Variants in ANKRD36 observed in about 807,000 individuals in gnomAD.
The protein encoded by ANKRD36 is ankyrin repeat domain-containing protein 36A.
A neutral mutation model predicts 278.1 loss-of-function variants in ANKRD36; 179 were observed. The ratio of observed to expected loss-of-function variants is 0.64; its 90% CI spans 0.57 to 0.73. The LOEUF is 0.73. Among genes scored for constraint, ANKRD36 ranks in the 30% least tolerant of loss-of-function variants. ANKRD36 has a pLI of 0.00. For missense variants in ANKRD36, 1,159 were observed against 1,956.7 expected (o/e 0.59, Z 7.69); for synonymous variants, 320 against 641.1 (o/e 0.50, Z 7.57).
chr2:97,216,109 C>T (rs970756211), intron 62 of ANKRD36, among the ~76,000 whole-genome samples: 2 of 151,902 alleles, frequency 1.3e-5, no homozygotes, highest in Non-Finnish European at 2.9e-5. Flanking sequence ...CTACTGGAAG[C>T]AGGAAACAAT....
At chr2:97,159,192 C>T (rs1006362471) in intron 17 of ANKRD36, among the ~76,000 whole-genome samples, 65 of 151,964 alleles carry the variant, frequency 4.3e-4, no homozygotes, top group African/African-American at 1.4e-3. Flanking sequence ...GAAAAATTCT[C>T]AGATTCTTCT....
intron 22 of ANKRD36, among the ~76,000 whole-genome samples, chr2:97,173,048 A>G (rs941192374): frequency 1.3e-5 from 2 of 150,166 alleles, no homozygotes; most frequent in Non-Finnish European, 3.0e-5. Context: ...CATGTCAATT[A>G]CTGACATGTT....
At chr2:97,131,279 T>G (rs1364563133) in intron 6 of ANKRD36, among the ~76,000 whole-genome samples, 1 of 151,934 alleles carries the variant, frequency 6.6e-6, no homozygotes, top group Non-Finnish European at 1.5e-5. Context: ...AGCCTCAAAC[T>G]TCTGGGTTCA....
chr2:97,128,778 T>C (rs2039291634), intron 6 of ANKRD36, among the ~76,000 whole-genome samples: 1 of 152,038 alleles, frequency 6.6e-6, no homozygotes, highest in South Asian at 2.1e-4. Flanking sequence ...AAATCCCTGA[T>C]AAGTTCTTCT....
rs1439019926 is a variant in ANKRD36 at position 97,200,519 on chromosome 2, A to T, written c.2851A>T (p.Arg951Trp). ...TREKKDGEIS[R>W]KVSSQKPPAL... ...AGAAAAAAAGGATGGAGAAATATCT[A>T]GGAAAGGTAATTTTGCGAAACACAT... The change falls in exon 46 of 76, where the codon AGG becomes TGG. Residue 951 changes from arginine to tryptophan, a missense_variant. By Grantham distance (101) the Arg-to-Trp change is moderately radical. Transcript: ENST00000420699. 6.4e-7 allele frequency: 1 copy of T among 1,558,468 alleles called. No individual in the cohort carries two copies. The highest frequency in any genetic ancestry group is 1.9e-5 in the Admixed American group (1 of 52,014).
At chr2:97,174,198 G>C (rs2053547233) in intron 22 of ANKRD36, among the ~76,000 whole-genome samples, 1 of 151,762 alleles carries the variant, frequency 6.6e-6, no homozygotes. Context: ...AAGAGACAGT[G>C]AGAAAGTCGA....
chr2:97,116,488 G>A (rs2035407741), intron 1 of ANKRD36, among the ~76,000 whole-genome samples: 1 of 151,990 alleles, frequency 6.6e-6, no homozygotes, highest in South Asian at 2.1e-4. Context: ...TGGCCAGGCT[G>A]GTCTCAGACT....
rs570838543 is a variant in ANKRD36 at position 97,206,176 on chromosome 2, T to C, written c.3163+41T>C. The stretch of plus-strand genomic sequence containing the variant: ...GATTTAATGCCATGTTCAGTCGAGA[T>C]AGATAAGAAGTTCTCTTCCCCAAGT... On this transcript the variant is annotated intron_variant, in intron 52 of 75. Transcript: ENST00000420699. The C allele has an allele frequency of 4.8e-5, 72 of 1,493,830 alleles. No individual in the cohort carries two copies. In the African/African-American group the frequency reaches 1.0e-3, roughly 21 times the overall value. 92.5% of individuals were successfully genotyped at this position (1,493,830 alleles called of 1,614,324 possible).
chr2:97,150,864 ATTTT>A (rs1559348040), intron 12 of ANKRD36, among the ~76,000 whole-genome samples: 247 of 104,814 alleles, frequency 2.4e-3, no homozygotes, highest in South Asian at 5.7e-3. Context: ...AGTTGCTGGA[ATTTT>A]ATTGTTTTTT....
At chr2:97,152,661 A>G (rs2046370899) in intron 14 of ANKRD36, 127 bp downstream of exon 14, 2 of 832,336 alleles carry the variant, frequency 2.4e-6, no homozygotes, top group Non-Finnish European at 3.4e-6. Flanking sequence ...TTATCATGTC[A>G]CACAACTTTA....
At chr2:97,164,171 A>C (rs1005396210) in intron 18 of ANKRD36, 112 bp from the exon 19 acceptor site, 1 of 1,490,364 alleles carries the variant, frequency 6.7e-7, no homozygotes, top group Admixed American at 2.3e-5. Context: ...CTAATGGGTA[A>C]CAATTTCAAG....
At chr2:97,148,920 A>G (rs2045115790) in intron 11 of ANKRD36, among the ~76,000 whole-genome samples, 1 of 152,294 alleles carries the variant, frequency 6.6e-6, no homozygotes, top group Admixed American at 6.5e-5. Context: ...GCAGTTCAGT[A>G]ACAAAAGTTG....
Position 97,211,517 on chromosome 2 carries a change from A to C in ANKRD36, c.3368-29A>C, listed in dbSNP as rs769159287. ...GATAACTTTATCATATTTACATATG[A>C]GTGATTATGTATCCCTTTTGCTTTT... On this transcript the variant is annotated intron_variant, in intron 56 of 75. Coordinates refer to ENST00000420699, the MANE Select transcript of ANKRD36 (RefSeq NM_001354587.1). The C allele has an allele frequency of 2.5e-6, 4 of 1,600,826 alleles. No homozygotes were observed. The Admixed American group carries it at 5.0e-5, about 20-fold the overall frequency.
chr2:97,135,700 T>G (rs2264237), intron 6 of ANKRD36, among the ~76,000 whole-genome samples: 1 of 151,704 alleles, frequency 6.6e-6, no homozygotes, highest in East Asian at 1.9e-4. Context: ...GACTAGTGAG[T>G]AGATATCATA....
intron 6 of ANKRD36, among the ~76,000 whole-genome samples, chr2:97,131,194 ATT>A (rs922425032): frequency 6.9e-6 from 1 of 144,168 alleles, no homozygotes. Context: ...AAGTTTCTTG[ATT>A]TTTTTTTTTT....
In ANKRD36 at chr2:97,209,990, G is replaced by A. The variant is rs577454398; in HGVS notation, c.3367+118G>A. The A allele has an allele frequency of 1.3e-5, 19 of 1,414,574 alleles. No individual in the cohort carries two copies. The South Asian group carries it at 2.7e-4, about 20-fold the overall frequency. The allele number at this position is 1,414,574 out of a possible 1,614,324, so 87.6% of individuals were successfully genotyped here. A position where few individuals can be genotyped will look rare whatever the true frequency, so the allele number is the denominator to read the frequency against. ...GCACATTCTGATTCAGCAGTCCTGAGATTCTTCATTTCAAATAAGTTCTTG... is the reference window on the plus strand; with the variant it reads ...GCACATTCTGATTCAGCAGTCCTGAAATTCTTCATTTCAAATAAGTTCTTG... On this transcript the variant is annotated intron_variant, in intron 56 of 75. Transcript: ENST00000420699.
rs1447873784 is a variant in ANKRD36, at chr2:97,209,080, CA to C, written c.3266-598del. Reference sequence around the variant, plus strand: ...AACTAGTGGATACAAGAAACTTAGGCAAATTATTACACTACATGGGTGTGAA... The same window carrying C: ...AACTAGTGGATACAAGAAACTTAGGCAATTATTACACTACATGGGTGTGAA... On this transcript the variant is annotated intron_variant, in intron 54 of 75. Coordinates refer to ENST00000420699, the MANE Select transcript of ANKRD36 (RefSeq NM_001354587.1). 2.0e-4 allele frequency among the ~76,000 whole-genome samples: 30 copies of C among 146,602 alleles called. 1 individual carries two copies. In the East Asian group the frequency reaches 3.4e-3, roughly 16 times the overall value.
chr2:97,212,012 C>T (rs2064794515), intron 58 of ANKRD36, among the ~76,000 whole-genome samples: 1 of 151,816 alleles, frequency 6.6e-6, no homozygotes, highest in Non-Finnish European at 1.5e-5. Context: ...GGGACAGCAT[C>T]ATTTTGCTTT....
chr2:97,191,383 C>G (rs1299400782), intron 36 of ANKRD36, among the ~76,000 whole-genome samples: 1 of 151,646 alleles, frequency 6.6e-6, no homozygotes, highest in East Asian at 2.0e-4. Context: ...TATACACTTC[C>G]CCACATTCAA....
Sources: gnomAD v4.1 joint callset for allele counts (sites outside exome capture counted in the v4.1 genomes callset) on GRCh38, gnomAD v4.1.1 for gene constraint, MANE v1.5 for transcripts, NCBI Gene and HGNC (gene_info 2026-07-23, HGNC 2026-07-21) for gene names.